The following POGLUT1 variants were observed in gnomAD, a reference collection of about 807,000 sequenced individuals.
POGLUT1 encodes protein O-glucosyltransferase 1.
Under a neutral mutation model 61.3 loss-of-function variants are expected in POGLUT1, and 32 were observed. That is an observed-to-expected ratio of 0.52 (90% CI 0.39 to 0.70). The LOEUF is 0.70. Ranked by LOEUF, POGLUT1 falls within the 30% of genes least tolerant of loss-of-function variation. The pLI is 0.00. For synonymous variants in POGLUT1, 158 were observed against 158.2 expected, an observed-to-expected ratio of 1.00 and a Z score of 0.01; for missense variants, 411 against 469.8, an observed-to-expected ratio of 0.87 and a Z score of 1.16.
chr3:119,485,465 G>C, intron 6 of POGLUT1, 78 bp downstream of exon 6: 1 of 890,940 alleles, frequency 1.1e-6, no homozygotes, highest in Non-Finnish European at 1.8e-6. Flanking sequence ...GGTATGACAA[G>C]CTCTGTAGTT....
At chr3:119,477,025 A>G (rs2081545338) in intron 3 of POGLUT1, among the ~76,000 whole-genome samples, 1 of 152,232 alleles carries the variant, frequency 6.6e-6, no homozygotes, top group Non-Finnish European at 1.5e-5. Context: ...GGAATGAATA[A>G]AGTGGTAGAA....
chr3:119,483,144 A>G (rs1023407667), intron 5 of POGLUT1, among the ~76,000 whole-genome samples: 6 of 152,216 alleles, frequency 3.9e-5, no homozygotes, highest in African/African-American at 1.4e-4. Context: ...TATACTGTGT[A>G]TCCTTTGACC....
Position 119,492,463 on chromosome 3 carries a change from CTT to C in POGLUT1, c.*27_*28del, listed in dbSNP as rs1457319419. On this transcript the variant is annotated 3_prime_UTR_variant, in exon 11 of 11. Transcript: ENST00000295588. Reference sequence around the variant, plus strand: ...GTAGTCATCATAGGACCATAGTCCTCTTTGTGGCAACAGATCTCAGATATCCT... The same window carrying C: ...GTAGTCATCATAGGACCATAGTCCTCTGTGGCAACAGATCTCAGATATCCT... 2.7e-6 allele frequency: 4 copies of C among 1,472,812 alleles called. No individual in the cohort carries two copies. The highest frequency in any genetic ancestry group is 3.7e-6 in the Non-Finnish European group (4 of 1,087,232). The allele number at this position is 1,472,812 out of a possible 1,614,324, so 91.2% of individuals were successfully genotyped here. A position where few individuals can be genotyped will look rare whatever the true frequency, so the allele number is the denominator to read the frequency against.
At chr3:119,486,729 T>C in intron 6 of POGLUT1, 104 bp from the exon 7 acceptor site, 1 of 791,644 alleles carries the variant, frequency 1.3e-6, no homozygotes, top group Middle Eastern at 2.3e-4. Context: ...TGTCCACTTG[T>C]GCAGAGTCAT....
chr3:119,487,900 G>C (rs1176655708), intron 7 of POGLUT1: 1 of 152,144 alleles, frequency 6.6e-6, no homozygotes, highest in Non-Finnish European at 1.5e-5. Flanking sequence ...ATCTTCATTT[G>C]TTTAAAACTT....
intron 6 of POGLUT1, among the ~76,000 whole-genome samples, chr3:119,485,881 G>A (rs963968236): frequency 4.6e-5 from 7 of 152,230 alleles, no homozygotes; most frequent in Non-Finnish European, 7.3e-5. Flanking sequence ...GAGAAAAATG[G>A]CAAAGGTAGT....
intron 4 of POGLUT1, 129 bp from the exon 5 acceptor site, chr3:119,479,922 A>T (rs1168926793): frequency 6.5e-7 from 1 of 1,543,822 alleles, no homozygotes; most frequent in Non-Finnish European, 8.8e-7. Context: ...GACTTTGGAA[A>T]ATAGGGAAAA....
At chr3:119,471,233 AAATGCACTTAGGAAGTAGGTGG>A in intron 2 of POGLUT1, 54 bp from the exon 3 acceptor site, 1 of 1,371,718 alleles carries the variant, frequency 7.3e-7, no homozygotes, top group Middle Eastern at 1.9e-4. Flanking sequence ...TACGAAACCT[AAATGCACTTAGGAAGTAGGTGG>A]AATGGCACCA....
Position 119,492,564 on chromosome 3 carries a change from C to T in POGLUT1, c.*126C>T, listed in dbSNP as rs746239464. The T allele has an allele frequency of 7.9e-5, 42 of 530,750 alleles. No homozygotes were observed. Among genetic ancestry groups the T allele is most frequent in the Non-Finnish European group, 1.3e-4 (40 of 307,542 alleles). 32.9% of individuals were successfully genotyped at this position (530,750 alleles called of 1,614,324 possible). On this transcript the variant is annotated 3_prime_UTR_variant, in exon 11 of 11. Coordinates refer to ENST00000295588, the MANE Select transcript of POGLUT1 (RefSeq NM_152305.3). Reference sequence around the variant, plus strand: ...CTATCAAGCCAAATACCTGGTTTTCCTTATCATGCTGCACCCAGAGCAACT... The same window carrying T: ...CTATCAAGCCAAATACCTGGTTTTCTTTATCATGCTGCACCCAGAGCAACT...
Position 119,492,951 on chromosome 3 carries a change from A to C in POGLUT1, c.*513A>C, listed in dbSNP as rs763147131. The C allele has an allele frequency of 2.6e-5, 4 of 152,800 alleles. No homozygotes were observed. The highest frequency in any genetic ancestry group is 7.2e-5 in the African/African-American group (3 of 41,564). The allele number at this position is 152,800 out of a possible 1,614,324, so 9.5% of individuals were successfully genotyped here. ...AAAAATACTTGGGGATCATTCTCTG[A>C]ATGGTCTAAGGAAGCGGTAGCCATG... is the stretch of plus-strand genomic sequence containing the variant. On this transcript the variant is annotated 3_prime_UTR_variant, in exon 11 of 11. Coordinates refer to ENST00000295588, the MANE Select transcript of POGLUT1 (RefSeq NM_152305.3).
intron 3 of POGLUT1, among the ~76,000 whole-genome samples, chr3:119,475,995 A>AC (rs1560031865): frequency 0.013 from 415 of 30,756 alleles, 2 homozygotes; most frequent in Middle Eastern, 0.071. Context: ...CACACACACA[A>AC]ACACATACAG....
At chr3:119,476,874 A>T (rs936649615) in intron 3 of POGLUT1, among the ~76,000 whole-genome samples, 2 of 152,230 alleles carry the variant, frequency 1.3e-5, no homozygotes, top group Non-Finnish European at 2.9e-5. Context: ...ACTTAATTAT[A>T]ATGGAAATAA....
chr3:119,492,644 T>C lies in POGLUT1; in HGVS notation c.*206T>C, dbSNP rs1184294514. 1 of 306,490 alleles carries C rather than the reference T, an allele frequency of 3.3e-6. No homozygotes were observed. Among genetic ancestry groups the C allele is most frequent in the African/African-American group, 2.2e-5 (1 of 46,440 alleles). 19.0% of individuals were successfully genotyped at this position (306,490 alleles called of 1,614,324 possible). A position where few individuals can be genotyped will look rare whatever the true frequency, so the allele number is the denominator to read the frequency against. ...CACTGATATGAAGCAGTTCAACTTT[T>C]TGGATGAATAAGGACCAGAAATCGT... On this transcript the variant is annotated 3_prime_UTR_variant, in exon 11 of 11. Transcript: ENST00000295588.
At chr3:119,490,424 C>T in intron 8 of POGLUT1, 127 bp from the exon 9 acceptor site, 1 of 832,306 alleles carries the variant, frequency 1.2e-6, no homozygotes, top group Non-Finnish European at 1.9e-6. Flanking sequence ...TCCTTGAAAA[C>T]TCAAAGTGGA....
chr3:119,477,394 T>G lies in POGLUT1; in HGVS notation c.402T>G (p.Tyr134Ter), dbSNP rs1475780822. 6.2e-7 allele frequency: 1 copy of G among 1,614,164 alleles called. No individual in the cohort carries two copies. The highest frequency in any genetic ancestry group is 8.5e-7 in the Non-Finnish European group (1 of 1,179,994). ...DMEMVINVRD[Y>*]PQVPKWMEPA... ...AGATGGTGATCAATGTACGAGATTA[T>G]CCTCAGGTTCCTAAATGGATGGAGC... Residue 134 changes from tyrosine to a stop codon, truncating the protein, a stop_gained, in exon 4 of 11, where the codon TAT becomes TAG. Coordinates refer to ENST00000295588, the MANE Select transcript of POGLUT1 (RefSeq NM_152305.3). LOFTEE classifies it high-confidence loss of function.
At chr3:119,480,991 C>T (rs1378058982) in intron 5 of POGLUT1, among the ~76,000 whole-genome samples, 4 of 152,068 alleles carry the variant, frequency 2.6e-5, no homozygotes. Context: ...CCACCCACCT[C>T]GGCCTCCCAA....
At position 119,470,055 on chromosome 3, in the gene POGLUT1, G is replaced by C. The variant is rs1490659570; in HGVS notation, c.176+145G>C. On this transcript the variant is annotated intron_variant, in intron 2 of 10. Coordinates refer to ENST00000295588, the MANE Select transcript of POGLUT1 (RefSeq NM_152305.3). ...GGGGAATAAAAATGCTCTCGCATGG[G>C]AAAGGCTCAGGTGGTGTCAACCTAA... is the stretch of plus-strand genomic sequence containing the variant. 7 of 625,060 alleles carry C rather than the reference G, an allele frequency of 1.1e-5. No homozygotes were observed. In the East Asian group the frequency reaches 1.9e-4, roughly 17 times the overall value. The allele number at this position is 625,060 out of a possible 1,614,324, so 38.7% of individuals were successfully genotyped here.
In POGLUT1 at chr3:119,469,840, A is replaced by G; in HGVS notation, c.106A>G (p.Ile36Val). The G allele has an allele frequency of 6.2e-7, 1 of 1,601,680 alleles. No individual in the cohort carries two copies. Reference protein sequence around the residue: ...KESGSKWKVFIDQINRSLENY... With the variant: ...KESGSKWKVFVDQINRSLENY... ...TAAAGGTTCAAAATGGAAAGTATTT[A>G]TTGACCAAATTAACAGGTCTTTGGA... Residue 36 changes from isoleucine to valine, a missense_variant, in exon 2 of 11, where the codon ATT becomes GTT. Physicochemically the swap from Ile to Val is conservative, Grantham distance 29. Coordinates refer to ENST00000295588, the MANE Select transcript of POGLUT1 (RefSeq NM_152305.3).
intron 4 of POGLUT1, among the ~76,000 whole-genome samples, chr3:119,478,658 T>G (rs1322600858): frequency 6.6e-6 from 1 of 152,226 alleles, no homozygotes; most frequent in Non-Finnish European, 1.5e-5. Flanking sequence ...GCAGCTTCTA[T>G]TGAATAGCTG....
Sources: allele counts gnomAD v4.1 joint callset (sites outside exome capture counted in the v4.1 genomes callset), GRCh38; gene constraint gnomAD v4.1.1; transcripts MANE v1.5; gene names NCBI Gene and HGNC (gene_info 2026-07-23, HGNC 2026-07-21).